UBE2W: variants seen among roughly 807,000 people sequenced by gnomAD.
The protein encoded by UBE2W is ubiquitin conjugating enzyme E2 W, also known as ubiquitin-conjugating enzyme E2 W.
UBE2W carries 18 observed loss-of-function variants against 27.2 expected under a neutral mutation model. The ratio of observed to expected loss-of-function variants is 0.66; its 90% CI spans 0.46 to 0.98. The LOEUF is 0.98. UBE2W is among the 50% of genes least tolerant of loss of function. The pLI is 0.00. For missense variants in UBE2W, 90 were observed against 180.2 expected, an observed-to-expected ratio of 0.50 and a Z score of 2.87; for synonymous variants, 53 against 57.2, an observed-to-expected ratio of 0.93 and a Z score of 0.33.
At chr8:73,805,893 G>A (rs1272013766) in intron 4 of UBE2W, among the ~76,000 whole-genome samples, 167 bp from the exon 5 acceptor site, 1 of 152,112 alleles carries the variant, frequency 6.6e-6, no homozygotes, top group African/African-American at 2.4e-5. Context: ...AAATGTGTAT[G>A]CTTAACACCT....
At position 73,787,182 on chromosome 8, in the gene UBE2W, G is replaced by A; in HGVS notation, c.*6920C>T. ...CAGGCAACTAAAAAAATGGTTGAAA[G>A]GGGCTCCCAACAGGACAGATAACCA... On this transcript the variant is annotated 3_prime_UTR_variant, in exon 6 of 6. Transcript: ENST00000602593. 3 of 985,420 alleles carry A rather than the reference G, an allele frequency of 3.0e-6. No homozygotes were observed. The highest frequency in any genetic ancestry group is 3.6e-6 in the Non-Finnish European group (3 of 829,930). 61.0% of individuals were successfully genotyped at this position (985,420 alleles called of 1,614,324 possible).
At chr8:73,830,892 A>C (rs1387030766) in intron 1 of UBE2W, among the ~76,000 whole-genome samples, 1 of 152,188 alleles carries the variant, frequency 6.6e-6, no homozygotes, top group Non-Finnish European at 1.5e-5. Flanking sequence ...CTTTCTCTTT[A>C]CTAGCCCCTT....
At chr8:73,832,962 G>A (rs1367572150) in intron 1 of UBE2W, among the ~76,000 whole-genome samples, 1 of 152,108 alleles carries the variant, frequency 6.6e-6, no homozygotes, top group African/African-American at 2.4e-5. Flanking sequence ...GGCCAAGGCG[G>A]GAGGATCGCA....
chr8:73,792,942 G>A lies in UBE2W; in HGVS notation c.*1160C>T. The A allele has an allele frequency of 6.1e-6, 6 of 985,526 alleles. No homozygotes were observed. Among genetic ancestry groups the A allele is most frequent in the Non-Finnish European group, 7.2e-6 (6 of 829,762 alleles). The allele number at this position is 985,526 out of a possible 1,614,324, so 61.0% of individuals were successfully genotyped here. ...TTTGCCTAAATTTTAAAATAAAAAT[G>A]TCCACACTCTTTTGTTAAAACATTA... On this transcript the variant is annotated 3_prime_UTR_variant, in exon 6 of 6. Coordinates refer to ENST00000602593, the MANE Select transcript of UBE2W (RefSeq NM_018299.6).
intron 1 of UBE2W, among the ~76,000 whole-genome samples, chr8:73,866,657 A>C (rs113922024): frequency 8.5e-5 from 13 of 152,298 alleles, no homozygotes; most frequent in African/African-American, 2.4e-4. Flanking sequence ...GATTTCTTAG[A>C]TATGACACCA....
Position 73,868,510 on chromosome 8 carries a change from A to C in UBE2W, c.15+10298T>G, listed in dbSNP as rs371287175. On this transcript the variant is annotated intron_variant, in intron 1 of 5. Transcript: ENST00000602593. ...TGTGAGCTGATCTAGCAAATTAATG[A>C]ACCCAAGAAGGGGGTTGTGGGAACC... Among the ~76,000 whole-genome samples the C allele has an allele frequency of 1.7e-4, 26 of 152,274 alleles. No individual in the cohort carries two copies. In the South Asian group the frequency reaches 5.4e-3, roughly 32 times the overall value.
intron 3 of UBE2W, among the ~76,000 whole-genome samples, chr8:73,812,141 C>A (rs1292294292): frequency 6.6e-6 from 1 of 151,084 alleles, no homozygotes; most frequent in East Asian, 1.9e-4. Flanking sequence ...CATTTTTTTC[C>A]CAAAGGAACG....
intron 5 of UBE2W, among the ~76,000 whole-genome samples, chr8:73,804,764 ACT>A (rs1808799464): frequency 6.6e-6 from 1 of 151,070 alleles, no homozygotes; most frequent in Admixed American, 6.6e-5. Flanking sequence ...TCATTCCATC[ACT>A]GTCACCCAGG....
intron 1 of UBE2W, chr8:73,831,246 T>A: frequency 3.2e-6 from 1 of 314,564 alleles, no homozygotes; most frequent in Middle Eastern, 9.6e-4. Context: ...ATTAAGGAAA[T>A]TTTTTAAAAA....
Position 73,792,409 on chromosome 8 carries a change from T to C in UBE2W, c.*1693A>G. 1 of 985,672 alleles carries C rather than the reference T, an allele frequency of 1.0e-6. No individual in the cohort carries two copies. Among genetic ancestry groups the C allele is most frequent in the Non-Finnish European group, 1.2e-6 (1 of 829,806 alleles). 61.1% of individuals were successfully genotyped at this position (985,672 alleles called of 1,614,324 possible). ...TTTTTGAAGTCTACCCACCCCTGAG[T>C]TCAGCAATTATACTTTGAGTGTAAA... On this transcript the variant is annotated 3_prime_UTR_variant, in exon 6 of 6. Transcript: ENST00000602593.
chr8:73,850,413 A>C (rs1811023119), intron 1 of UBE2W, among the ~76,000 whole-genome samples: 1 of 152,160 alleles, frequency 6.6e-6, no homozygotes, highest in African/African-American at 2.4e-5. Context: ...AAACCATGAA[A>C]ATGTGTTACA....
intron 2 of UBE2W, among the ~76,000 whole-genome samples, chr8:73,828,031 G>A (rs1404328852): frequency 6.6e-6 from 1 of 152,056 alleles, no homozygotes; most frequent in Non-Finnish European, 1.5e-5. Flanking sequence ...GCTGCATTTT[G>A]TGCACACTTA....
chr8:73,847,154 G>A (rs1410128995), intron 1 of UBE2W, among the ~76,000 whole-genome samples: 3 of 152,180 alleles, frequency 2.0e-5, no homozygotes, highest in Non-Finnish European at 4.4e-5. Flanking sequence ...GGGCGACAGA[G>A]TGAGACTCTG....
intron 3 of UBE2W, among the ~76,000 whole-genome samples, chr8:73,820,779 AC>A (rs1809578898): frequency 2.8e-5 from 4 of 141,032 alleles, no homozygotes; most frequent in Admixed American, 6.8e-5. Flanking sequence ...AAACAAACAA[AC>A]AAAAAAACAA....
At chr8:73,847,433 CT>C (rs968783703) in intron 1 of UBE2W, among the ~76,000 whole-genome samples, 7 of 151,978 alleles carry the variant, frequency 4.6e-5, no homozygotes, top group Admixed American at 6.6e-5. Flanking sequence ...AAACTACTTG[CT>C]TTTTTTTGTA....
At chr8:73,836,225 GAATT>G (rs1338840479) in intron 1 of UBE2W, among the ~76,000 whole-genome samples, 2 of 151,870 alleles carry the variant, frequency 1.3e-5, no homozygotes, top group African/African-American at 4.8e-5. Flanking sequence ...TGAGGGGGTG[GAATT>G]ATTACATTAA....
chr8:73,833,374 T>C (rs924074034), intron 1 of UBE2W, among the ~76,000 whole-genome samples: 7 of 151,882 alleles, frequency 4.6e-5, no homozygotes, highest in Admixed American at 1.3e-4. Context: ...TTTTAAATGA[T>C]TTTATATGTA....
At chr8:73,832,650 T>C (rs1371227213) in intron 1 of UBE2W, among the ~76,000 whole-genome samples, 17 of 152,246 alleles carry the variant, frequency 1.1e-4, no homozygotes, top group Non-Finnish European at 1.5e-5. Context: ...AGCCATTATC[T>C]GAACTGCTTG....
At position 73,793,083 on chromosome 8, in the gene UBE2W, T is replaced by C. The variant is rs758526359; in HGVS notation, c.*1019A>G. 13 of 985,714 alleles carry C rather than the reference T, an allele frequency of 1.3e-5. No individual in the cohort carries two copies. Among genetic ancestry groups the C allele is most frequent in the Non-Finnish European group, 1.4e-5 (12 of 829,794 alleles). 61.1% of individuals were successfully genotyped at this position (985,714 alleles called of 1,614,324 possible). ...CTTAACAAAAGTTTCAATAAAAGTA[T>C]TGTAACATTCAAACTTGACTTATAA... On this transcript the variant is annotated 3_prime_UTR_variant, in exon 6 of 6. Transcript: ENST00000602593.
Sources: gnomAD v4.1 joint callset for allele counts (sites outside exome capture counted in the v4.1 genomes callset) on GRCh38, gnomAD v4.1.1 for gene constraint, MANE v1.5 for transcripts, NCBI Gene and HGNC (gene_info 2026-07-23, HGNC 2026-07-21) for gene names.